Variants in SPON1 observed in about 807,000 individuals in gnomAD.
The protein encoded by SPON1 is spondin-1.
Under a neutral mutation model 111.7 loss-of-function variants are expected in SPON1, and 52 were observed. That is an observed-to-expected ratio of 0.47 (90% CI 0.37 to 0.59). The LOEUF is 0.59. Among genes scored for constraint, SPON1 ranks in the 20% least tolerant of loss-of-function variants. SPON1 has a pLI of 0.00. For synonymous variants in SPON1, 410 were observed against 395.8 expected (o/e 1.04, Z -0.43); for missense variants, 957 against 1,068.5 (o/e 0.90, Z 1.46).
chr11:14,239,496 C>A (rs1288554195), intron 6 of SPON1, among the ~76,000 whole-genome samples: 1 of 152,202 alleles, frequency 6.6e-6, no homozygotes, highest in Non-Finnish European at 1.5e-5. Flanking sequence ...GAGGCCGAGG[C>A]GGGCAGATCA....
intron 6 of SPON1, among the ~76,000 whole-genome samples, chr11:14,238,660 C>A (rs149650421): frequency 1.3e-5 from 2 of 152,272 alleles, no homozygotes; most frequent in South Asian, 2.1e-4. Flanking sequence ...CACATGAACC[C>A]GCTTCCCTCC....
intron 7 of SPON1, among the ~76,000 whole-genome samples, chr11:14,245,281 CCATT>C (rs1272288252): frequency 6.6e-6 from 1 of 152,122 alleles, no homozygotes. Context: ...GCTCATTTAA[CCATT>C]CAGCAAACTA....
At chr11:14,143,019 T>C (rs1381457408) in intron 6 of SPON1, among the ~76,000 whole-genome samples, 1 of 152,234 alleles carries the variant, frequency 6.6e-6, no homozygotes, top group Non-Finnish European at 1.5e-5. Context: ...CTCTGCTTAC[T>C]TGGGTTGCAC....
intron 5 of SPON1, among the ~76,000 whole-genome samples, chr11:14,123,694 C>T (rs1000771276): frequency 6.6e-6 from 1 of 150,882 alleles, no homozygotes; most frequent in Non-Finnish European, 1.5e-5. Flanking sequence ...GCTTCCTCCT[C>T]TCTGGCATTC....
At position 14,127,582 on chromosome 11, in the gene SPON1, C is replaced by T. The variant is rs75070880; in HGVS notation, c.677-7838C>T. Among the ~76,000 whole-genome samples the T allele has an allele frequency of 1.5e-3, 223 of 152,330 alleles. 2 individuals carry two copies. The East Asian group carries it at 0.032, about 22-fold the overall frequency. Reference sequence around the variant, plus strand: ...GCTGGTCTTTGGCTCTTTGACTCAACTTTGAATCCCAGTGTCATAACTCGC... The same window carrying T: ...GCTGGTCTTTGGCTCTTTGACTCAATTTTGAATCCCAGTGTCATAACTCGC... On this transcript the variant is annotated intron_variant, in intron 5 of 15. Coordinates refer to ENST00000576479, the MANE Select transcript of SPON1 (RefSeq NM_006108.4).
chr11:14,097,372 T>C (rs1849109844), intron 5 of SPON1, among the ~76,000 whole-genome samples: 1 of 152,238 alleles, frequency 6.6e-6, no homozygotes, highest in Non-Finnish European at 1.5e-5. Context: ...TTCTAAATGA[T>C]TTTTGTTTTC....
chr11:14,128,065 G>C (rs1039007657), intron 5 of SPON1, among the ~76,000 whole-genome samples: 1 of 152,124 alleles, frequency 6.6e-6, no homozygotes, highest in Admixed American at 6.5e-5. Flanking sequence ...TGAGATTTGG[G>C]TGGAGACACA....
intron 6 of SPON1, among the ~76,000 whole-genome samples, chr11:14,229,913 A>T (rs1554938482): frequency 6.6e-6 from 1 of 150,960 alleles, no homozygotes; most frequent in Non-Finnish European, 1.5e-5. Context: ...AAGAGAGGCC[A>T]GCCTGTGTGT....
At chr11:14,222,030 T>G (rs1848686206) in intron 6 of SPON1, among the ~76,000 whole-genome samples, 2 of 152,238 alleles carry the variant, frequency 1.3e-5, no homozygotes, top group Non-Finnish European at 1.5e-5. Flanking sequence ...ACTGGAGTCA[T>G]GTTGGCACCA....
intron 6 of SPON1, among the ~76,000 whole-genome samples, chr11:14,144,311 G>T (rs1054534380): frequency 7.2e-5 from 11 of 152,054 alleles, no homozygotes; most frequent in African/African-American, 2.4e-4. Context: ...ATAAAGACAA[G>T]GAAAAGGGAG....
rs558239052 is a variant in SPON1 at position 14,094,728 on chromosome 11, G to A, written c.676+14707G>A. 1.8e-4 allele frequency among the ~76,000 whole-genome samples: 27 copies of A among 152,334 alleles called. 1 individual carries two copies. The South Asian group carries it at 4.4e-3, about 25-fold the overall frequency. ...GAGAAGCAGTTACAAAATGAGGAAG[G>A]AAGAGAGTGGAGGGAGATGAGCAAT... is the stretch of plus-strand genomic sequence containing the variant. On this transcript the variant is annotated intron_variant, in intron 5 of 15. Transcript: ENST00000576479.
intron 5 of SPON1, among the ~76,000 whole-genome samples, chr11:14,080,457 G>A (rs1364615331): frequency 6.6e-6 from 1 of 152,132 alleles, no homozygotes; most frequent in Non-Finnish European, 1.5e-5. Flanking sequence ...TTGAACACCT[G>A]ACCTCAGGTG....
chr11:14,165,291 T>C (rs1207288278), intron 6 of SPON1, among the ~76,000 whole-genome samples: 2 of 152,170 alleles, frequency 1.3e-5, no homozygotes, highest in Non-Finnish European at 2.9e-5. Context: ...TCCCTCCTTT[T>C]GGGTTTTTAT....
intron 6 of SPON1, among the ~76,000 whole-genome samples, chr11:14,170,858 T>C (rs1339447286): frequency 1.3e-5 from 2 of 152,192 alleles, no homozygotes; most frequent in Admixed American, 6.6e-5. Context: ...TTGATCATGG[T>C]GGATAAGCTT....
chr11:14,170,242 C>A (rs60058499), intron 6 of SPON1, among the ~76,000 whole-genome samples: 26,482 of 151,694 alleles, frequency 0.17, 2,430 homozygotes, highest in Admixed American at 0.23. Context: ...TAGGTATTTT[C>A]TTCTCTTTGA....
At chr11:14,159,414 C>T (rs1847884928) in intron 6 of SPON1, among the ~76,000 whole-genome samples, 1 of 151,968 alleles carries the variant, frequency 6.6e-6, no homozygotes, top group Admixed American at 6.6e-5. Flanking sequence ...AAAAGGGAAC[C>T]CTCATACACT....
chr11:14,241,380 C>T (rs1002185832), intron 6 of SPON1, among the ~76,000 whole-genome samples: 4 of 152,132 alleles, frequency 2.6e-5, no homozygotes, highest in Non-Finnish European at 5.9e-5. Flanking sequence ...AGGGTTTTGG[C>T]AGGAGACAGA....
intron 5 of SPON1, among the ~76,000 whole-genome samples, chr11:14,082,653 G>A (rs1837938353): frequency 6.6e-6 from 1 of 152,206 alleles, no homozygotes; most frequent in Non-Finnish European, 1.5e-5. Context: ...TGGAGGAAAA[G>A]GAGTGAACAC....
intron 2 of SPON1, among the ~76,000 whole-genome samples, chr11:13,997,394 T>G (rs2697850): frequency 0.65 from 99,032 of 152,104 alleles, 32,489 homozygotes; most frequent in African/African-American, 0.72. Context: ...TCAAGAAGTC[T>G]CTGAATTTAT....
Sources: allele counts gnomAD v4.1 joint callset (sites outside exome capture counted in the v4.1 genomes callset), GRCh38; gene constraint gnomAD v4.1.1; transcripts MANE v1.5; gene names NCBI Gene and HGNC (gene_info 2026-07-23, HGNC 2026-07-21).